Variants in SERPINB7 observed in about 807,000 individuals in gnomAD.
The protein encoded by SERPINB7 is serpin family B member 7, also known as serpin B7.
SERPINB7 carries 31 observed loss-of-function variants against 37.4 expected under a neutral mutation model. That is an observed-to-expected ratio of 0.83 (90% CI 0.62 to 1.12). The LOEUF is 1.12. Ranked by LOEUF, SERPINB7 falls within the 50% of genes most tolerant of loss-of-function variation. The probability of loss-of-function intolerance (pLI) is 0.00; values close to 1 mark genes in which losing one functional copy is unlikely to be tolerated. For missense variants in SERPINB7, 521 were observed against 455.3 expected (o/e 1.14, Z -1.31); for synonymous variants, 163 against 166.1 (o/e 0.98, Z 0.14).
intron 1 of SERPINB7, among the ~76,000 whole-genome samples, chr18:63,781,426 T>TCTGCAACACCTGGCAC (rs1255457189): frequency 6.6e-6 from 1 of 152,238 alleles, no homozygotes; most frequent in African/African-American, 2.4e-5. Flanking sequence ...ACTCCTGGCA[T>TCTGCAACACCTGGCAC]CTGCAACACC....
At chr18:63,789,695 A>G (rs1470835764) in intron 2 of SERPINB7, among the ~76,000 whole-genome samples, 3 of 152,230 alleles carry the variant, frequency 2.0e-5, no homozygotes, top group Non-Finnish European at 2.9e-5. Context: ...GAAAATCCAC[A>G]TTGGCCAAGA....
intron 1 of SERPINB7, among the ~76,000 whole-genome samples, chr18:63,778,821 G>A (rs1355084618): frequency 6.6e-6 from 1 of 152,100 alleles, no homozygotes; most frequent in Non-Finnish European, 1.5e-5. Flanking sequence ...GGCTGCCATG[G>A]ACTTTTAGAC....
chr18:63,761,862 A>C (rs1244272471), intron 1 of SERPINB7, among the ~76,000 whole-genome samples: 1 of 151,994 alleles, frequency 6.6e-6, no homozygotes, highest in African/African-American at 2.4e-5. Context: ...TCCCAATCTC[A>C]GGTATGTCTT....
chr18:63,791,652 C>T (rs1397935632), intron 2 of SERPINB7, among the ~76,000 whole-genome samples: 4 of 151,820 alleles, frequency 2.6e-5, no homozygotes, highest in African/African-American at 9.7e-5. Flanking sequence ...ACTCTGTTGC[C>T]CAGGCTGGAG....
upstream of SERPINB7, among the ~76,000 whole-genome samples, chr18:63,770,948 T>G (rs1249355488): frequency 6.6e-6 from 1 of 150,674 alleles, no homozygotes; most frequent in Non-Finnish European, 1.5e-5. Context: ...TTATTCATCT[T>G]CGTTGGAACA....
intron 1 of SERPINB7, among the ~76,000 whole-genome samples, chr18:63,769,804 A>G: frequency 6.6e-6 from 1 of 152,046 alleles, no homozygotes; most frequent in Admixed American, 6.6e-5. Flanking sequence ...TGGTGAACTC[A>G]GGACTTCATA....
intron 1 of SERPINB7, among the ~76,000 whole-genome samples, chr18:63,769,179 G>T (rs767481081): frequency 9.9e-5 from 15 of 152,062 alleles, no homozygotes; most frequent in Admixed American, 1.3e-4. Flanking sequence ...CTCTTAAAGA[G>T]AGATGAACAG....
chr18:63,758,617 TAAGAA>T (rs1396551727), intron 1 of SERPINB7, among the ~76,000 whole-genome samples: 1 of 152,154 alleles, frequency 6.6e-6, no homozygotes, highest in Non-Finnish European at 1.5e-5. Flanking sequence ...TTTTTTATAA[TAAGAA>T]AAGAATTCTT....
At chr18:63,786,714 C>G (rs1248309251) in intron 2 of SERPINB7, among the ~76,000 whole-genome samples, 1 of 152,014 alleles carries the variant, frequency 6.6e-6, no homozygotes, top group Non-Finnish European at 1.5e-5. Context: ...AATTCATAAA[C>G]CATTTATCAG....
At chr18:63,756,114 C>G (rs1276458179) in intron 1 of SERPINB7, among the ~76,000 whole-genome samples, 3 of 151,882 alleles carry the variant, frequency 2.0e-5, no homozygotes, top group Non-Finnish European at 1.5e-5. Context: ...CACACACACA[C>G]ACACTCATAT....
chr18:63,796,209 CT>C, intron 4 of SERPINB7, 56 bp from the exon 5 acceptor site: 1 of 994,714 alleles, frequency 1.0e-6, no homozygotes, highest in Non-Finnish European at 1.6e-6. Context: ...AAATACATTT[CT>C]TATATACTTA....
rs546889084 is a variant in SERPINB7, at chr18:63,753,802, G to A, written c.-19+682G>A. On this transcript the variant is annotated intron_variant, in intron 1 of 7. Transcript: ENST00000336429. ...TTTCAAAAAAATTTTTTAGTAATAT[G>A]AGGCACTTTTGAGTACTTGATAGAA... Among the ~76,000 whole-genome samples the A allele has an allele frequency of 1.2e-4, 18 of 152,296 alleles. 1 individual carries two copies. The South Asian group carries it at 2.3e-3, about 19-fold the overall frequency.
intron 1 of SERPINB7, among the ~76,000 whole-genome samples, chr18:63,755,297 T>C (rs540161690): frequency 6.6e-6 from 1 of 152,320 alleles, no homozygotes; most frequent in Non-Finnish European, 1.5e-5. Context: ...GGATGAAAAA[T>C]ACATTTTTCA....
Position 63,782,440 on chromosome 18 carries a change from A to C in SERPINB7, c.68A>C (p.Gln23Pro). 1 of 1,614,148 alleles carries C rather than the reference A, an allele frequency of 6.2e-7. No individual in the cohort carries two copies. The highest frequency in any genetic ancestry group is 8.5e-7 in the Non-Finnish European group (1 of 1,179,996). Residue 23 changes from glutamine to proline, a missense_variant, in exon 2 of 8, where the codon CAA becomes CCA. By Grantham distance (76) the Gln-to-Pro change is moderately conservative. Coordinates refer to ENST00000398019, the MANE Select transcript of SERPINB7 (RefSeq NM_003784.4). The stretch of plus-strand genomic sequence containing the variant: ...CTGTTCAGAGAGATGGATGACAATC[A>C]AGGAAATGGAAATGTGTTCTTTTCC... Reference protein sequence around the residue: ...FNLFREMDDNQGNGNVFFSSL... With the variant: ...FNLFREMDDNPGNGNVFFSSL...
intron 4 of SERPINB7, among the ~76,000 whole-genome samples, chr18:63,795,155 G>C (rs1392558539): frequency 6.6e-6 from 1 of 152,186 alleles, no homozygotes. Context: ...ATATAGTCTT[G>C]ACTTCACAGA....
At chr18:63,772,863 T>C (rs2049219160), upstream of SERPINB7, among the ~76,000 whole-genome samples, 1 of 152,124 alleles carries the variant, frequency 6.6e-6, no homozygotes, top group Non-Finnish European at 1.5e-5. Context: ...GGAATTCTGA[T>C]CAGAGAGATG....
intron 1 of SERPINB7, among the ~76,000 whole-genome samples, chr18:63,764,765 A>G (rs577765481): frequency 6.6e-6 from 1 of 152,266 alleles, no homozygotes; most frequent in Non-Finnish European, 1.5e-5. Flanking sequence ...AGAGAGCTTA[A>G]AGAAATAATA....
intron 5 of SERPINB7, 91 bp from the exon 6 acceptor site, chr18:63,798,512 GA>G (rs34405525): frequency 0.17 from 175,026 of 1,000,810 alleles, 16,464 homozygotes; most frequent in South Asian, 0.19. Flanking sequence ...TATGTGTTAA[GA>G]AAAAAACTTC....
chr18:63,765,313 C>T (rs2049174962), intron 1 of SERPINB7, among the ~76,000 whole-genome samples: 1 of 152,110 alleles, frequency 6.6e-6, no homozygotes, highest in Non-Finnish European at 1.5e-5. Context: ...CCTGAAGATT[C>T]TACCTCCTAA....
Sources: allele counts gnomAD v4.1 joint callset (sites outside exome capture counted in the v4.1 genomes callset), GRCh38; gene constraint gnomAD v4.1.1; transcripts MANE v1.5; gene names NCBI Gene and HGNC (gene_info 2026-07-23, HGNC 2026-07-21).